RGS6: variants seen among roughly 807,000 people sequenced by gnomAD.
The protein encoded by RGS6 is regulator of G protein signaling 6.
Under a neutral mutation model 78.5 loss-of-function variants are expected in RGS6, and 30 were observed. That is an observed-to-expected ratio of 0.38 (90% CI 0.29 to 0.52). RGS6 has a LOEUF of 0.52. RGS6 is among the 20% of genes least tolerant of loss of function. The pLI is 0.85. For missense variants in RGS6, 495 were observed against 609.7 expected, an observed-to-expected ratio of 0.81 and a Z score of 1.98; for synonymous variants, 206 against 206.0, an observed-to-expected ratio of 1.00 and a Z score of 0.00.
chr14:71,975,476 T>A (rs1460436228), intron 2 of RGS6, among the ~76,000 whole-genome samples: 1 of 152,118 alleles, frequency 6.6e-6, no homozygotes, highest in Non-Finnish European at 1.5e-5. Context: ...TCTTTTTTTT[T>A]TTGATGGAGG....
chr14:72,342,725 CAAAAA>C (rs58717636), intron 2 of RGS6, among the ~76,000 whole-genome samples: 7 of 71,410 alleles, frequency 9.8e-5, no homozygotes, highest in East Asian at 9.7e-4. Flanking sequence ...GGCTTTGTCT[CAAAAA>C]AAAAAAAAAA....
At chr14:72,546,490 AAGG>A (rs1343243741) in intron 17 of RGS6, among the ~76,000 whole-genome samples, 1 of 152,146 alleles carries the variant, frequency 6.6e-6, no homozygotes, top group Non-Finnish European at 1.5e-5. Context: ...TTTCCGTTGG[AAGG>A]AGGAGCCCCC....
intron 2 of RGS6, among the ~76,000 whole-genome samples, chr14:72,336,521 G>C (rs1468714235): frequency 6.6e-6 from 1 of 152,016 alleles, no homozygotes; most frequent in Non-Finnish European, 1.5e-5. Flanking sequence ...CTGAGAGAGA[G>C]AGAGAGAGAG....
intron 2 of RGS6, among the ~76,000 whole-genome samples, chr14:72,078,605 G>A (rs778682800): frequency 2.0e-4 from 31 of 151,980 alleles, no homozygotes; most frequent in Non-Finnish European, 2.9e-4. Flanking sequence ...TAGTAGAGAC[G>A]GGGTTTCACT....
At chr14:71,950,040 T>C (rs2092122783) in intron 1 of RGS6, among the ~76,000 whole-genome samples, 1 of 152,202 alleles carries the variant, frequency 6.6e-6, no homozygotes, top group Admixed American at 6.5e-5. Flanking sequence ...AATATAATAT[T>C]GATAACGCAC....
intron 2 of RGS6, among the ~76,000 whole-genome samples, chr14:72,062,478 C>T (rs987696677): frequency 6.6e-6 from 1 of 152,178 alleles, no homozygotes; most frequent in East Asian, 1.9e-4. Flanking sequence ...AACAAACAGA[C>T]CAGCAAGGAG....
chr14:72,420,398 A>C (rs770181972), intron 3 of RGS6, among the ~76,000 whole-genome samples: 35 of 152,200 alleles, frequency 2.3e-4, no homozygotes, highest in Non-Finnish European at 4.7e-4. Flanking sequence ...TGAGGAATCT[A>C]GGCCTCTAAT....
chr14:72,131,737 C>T (rs182396563), intron 2 of RGS6, among the ~76,000 whole-genome samples: 41 of 152,252 alleles, frequency 2.7e-4, no homozygotes, highest in African/African-American at 8.2e-4. Flanking sequence ...AAAAGATTTT[C>T]GAGTGTTAAA....
chr14:71,981,501 C>G (rs1190568722), intron 2 of RGS6, among the ~76,000 whole-genome samples: 3 of 151,658 alleles, frequency 2.0e-5, no homozygotes, highest in Non-Finnish European at 4.4e-5. Flanking sequence ...AGCTGCAGGT[C>G]TGTTGGAATA....
intron 2 of RGS6, among the ~76,000 whole-genome samples, chr14:72,209,658 T>C (rs2043564625): frequency 6.6e-6 from 1 of 152,174 alleles, no homozygotes; most frequent in African/African-American, 2.4e-5. Flanking sequence ...TGGGACTAGA[T>C]GGCCAGGAGA....
chr14:72,203,327 C>G (rs1267032872), intron 2 of RGS6, among the ~76,000 whole-genome samples: 1 of 152,172 alleles, frequency 6.6e-6, no homozygotes, highest in African/African-American at 2.4e-5. Flanking sequence ...TGGAGACAAG[C>G]AAAATTGAGT....
intron 2 of RGS6, among the ~76,000 whole-genome samples, chr14:72,127,011 G>A (rs551474387): frequency 5.9e-5 from 9 of 151,930 alleles, no homozygotes; most frequent in Non-Finnish European, 1.3e-4. Context: ...TATTACTTGG[G>A]AGAAAAAAAA....
chr14:72,560,522 A>G (rs1413336627), intron 17 of RGS6, among the ~76,000 whole-genome samples: 2 of 152,114 alleles, frequency 1.3e-5, no homozygotes, highest in Non-Finnish European at 2.9e-5. Flanking sequence ...GCACTCAAGG[A>G]GAGTCACCGC....
intron 3 of RGS6, among the ~76,000 whole-genome samples, chr14:72,428,030 G>A (rs1230063245): frequency 6.6e-6 from 1 of 152,180 alleles, no homozygotes; most frequent in African/African-American, 2.4e-5. Context: ...AAGACCACCT[G>A]GAAGTCAGTG....
intron 5 of RGS6, 83 bp downstream of exon 5, chr14:72,458,460 A>G (rs2095689923): frequency 9.0e-7 from 1 of 1,114,006 alleles, no homozygotes; most frequent in Non-Finnish European, 1.3e-6. Context: ...AAGAAAACCT[A>G]GGGATATCTG....
chr14:72,619,343 C>T, the RGS6 span: 1 of 1,536,144 alleles, frequency 6.5e-7, no homozygotes, highest in Non-Finnish European at 8.7e-7. Flanking sequence ...GAGCAGTTCC[C>T]AGCATAAGTG....
intron 13 of RGS6, among the ~76,000 whole-genome samples, chr14:72,509,343 C>T (rs1008448891): frequency 6.8e-5 from 10 of 146,610 alleles, no homozygotes; most frequent in Admixed American, 2.1e-4. Context: ...CCAGCCTGGG[C>T]GGCAAAGTGA....
chr14:72,291,095 C>T (rs2063496164), intron 2 of RGS6, among the ~76,000 whole-genome samples: 1 of 151,854 alleles, frequency 6.6e-6, no homozygotes, highest in Non-Finnish European at 1.5e-5. Flanking sequence ...ATACCTAGAT[C>T]CTTCTGCTTG....
chr14:71,990,720 A>G lies in RGS6; in HGVS notation c.84+25845A>G, dbSNP rs1012554623. 2 of 455,938 alleles carry G rather than the reference A, an allele frequency of 4.4e-6. 1 individual carries two copies. The highest frequency in any genetic ancestry group is 3.1e-5 in the South Asian group (2 of 64,552). The allele number at this position is 455,938 out of a possible 1,614,324, so 28.2% of individuals were successfully genotyped here. A position where few individuals can be genotyped will look rare whatever the true frequency, so the allele number is the denominator to read the frequency against. On this transcript the variant is annotated intron_variant, in intron 2 of 17. Coordinates refer to ENST00000553525, the MANE Select transcript of RGS6 (RefSeq NM_001204424.2). The stretch of plus-strand genomic sequence containing the variant: ...GTCCAGGGGCCATCTCCTCCTCTCT[A>G]CATGCTGCATTGAGGATCCCCAAAT...
Sources: allele counts gnomAD v4.1 joint callset (sites outside exome capture counted in the v4.1 genomes callset), GRCh38; gene constraint gnomAD v4.1.1; transcripts MANE v1.5; gene names NCBI Gene and HGNC (gene_info 2026-07-23, HGNC 2026-07-21).